The following ZNF577 variants were observed in gnomAD, a reference collection of about 807,000 sequenced individuals.
The protein encoded by ZNF577 is zinc finger protein 577.
ZNF577 carries 14 observed loss-of-function variants against 13.9 expected under a neutral mutation model. That is an observed-to-expected ratio of 1.00 (90% confidence interval 0.66 to 1.57). The LOEUF is 1.57. ZNF577 is among the 40% of genes most tolerant of loss of function. The pLI is 0.00. For missense variants in ZNF577, 555 were observed against 579.2 expected, an observed-to-expected ratio of 0.96 and a Z score of 0.43; for synonymous variants, 203 against 202.9, an observed-to-expected ratio of 1.00 and a Z score of 0.00.
At chr19:51,855,683 C>T (rs1357291218) in intron 5 of ZNF577, 1 of 152,144 alleles carries the variant, frequency 6.6e-6, no homozygotes, top group East Asian at 1.9e-4. Flanking sequence ...TAGGCTACTA[C>T]AAAGTTAAAC....
chr19:51,824,704 C>T lies in ZNF577; in HGVS notation c.*600-13030G>A. 1 of 1,614,082 alleles carries T rather than the reference C, an allele frequency of 6.2e-7. No individual in the cohort carries two copies. Among genetic ancestry groups the T allele is most frequent in the Non-Finnish European group, 8.5e-7 (1 of 1,179,986 alleles). ...GAAAGACTGATTCGCTCTTTGCCCA[C>T]TAGTTTGGAGAGGGCCCTGACTGAG... On this transcript the variant is annotated intron_variant and NMD_transcript_variant, in intron 9 of 10. Transcript: ENST00000638827. The surrounding 1 kb of genome is among the most constrained non-coding windows in gnomAD (Gnocchi z 4.7).
chr19:51,867,110 C>A lies in ZNF577; in HGVS notation c.*5422G>T, dbSNP rs2084576153. Among the ~76,000 whole-genome samples, 1 of 152,212 alleles carries A rather than the reference C, an allele frequency of 6.6e-6. No individual in the cohort carries two copies. Among genetic ancestry groups the A allele is most frequent in the Admixed American group, 6.5e-5 (1 of 15,278 alleles). On this transcript the variant is annotated 3_prime_UTR_variant, in exon 6 of 6. Coordinates refer to ENST00000638348, the MANE Select transcript of ZNF577 (RefSeq NM_001370449.1). ...CACACTTAAGGCACTCTGTATGAAG[C>A]TACATTTCCTCATTCCACCTTTACC...
At chr19:51,856,032 G>A (rs1021261803) in intron 5 of ZNF577, 5 of 152,096 alleles carry the variant, frequency 3.3e-5, no homozygotes, top group African/African-American at 1.2e-4. Flanking sequence ...TTTTAATGAG[G>A]TTCAAAATTT....
In ZNF577 at chr19:51,869,753, T is replaced by C. The variant is rs960490812; in HGVS notation, c.*2779A>G. 6.6e-6 allele frequency among the ~76,000 whole-genome samples: 1 copy of C among 152,192 alleles called. No individual in the cohort carries two copies. Among genetic ancestry groups the C allele is most frequent in the Non-Finnish European group, 1.5e-5 (1 of 68,024 alleles). On this transcript the variant is annotated 3_prime_UTR_variant, in exon 6 of 6. Coordinates refer to ENST00000638348, the MANE Select transcript of ZNF577 (RefSeq NM_001370449.1). ...GTGTGCCAGAAACCCCTACAGGGGCTAAACAGTCAAGACACACCAGCCGCT... is the reference window on the plus strand; with the variant it reads ...GTGTGCCAGAAACCCCTACAGGGGCCAAACAGTCAAGACACACCAGCCGCT...
chr19:51,864,509 A>G (rs775762948), downstream of ZNF577, among the ~76,000 whole-genome samples: 6 of 152,194 alleles, frequency 3.9e-5, no homozygotes, highest in Non-Finnish European at 7.3e-5. Context: ...AGAGAAAACT[A>G]TCATAATTTT....
In ZNF577 at chr19:51,867,831, CTAGG is replaced by C. The variant is rs894667221; in HGVS notation, c.*4697_*4700del. ...AAGCAAACAAACAAAAAGAACAAAG[CTAGG>C]GTTGGAAAAAGCCCTCAGAGGTCAG... On this transcript the variant is annotated 3_prime_UTR_variant, in exon 6 of 6. Transcript: ENST00000638348. Among the ~76,000 whole-genome samples, 1 of 151,934 alleles carries C rather than the reference CTAGG, an allele frequency of 6.6e-6. No homozygotes were observed. Among genetic ancestry groups the C allele is most frequent in the Admixed American group, 6.6e-5 (1 of 15,236 alleles).
At chr19:51,854,542 C>T (rs1463074013) in intron 5 of ZNF577, among the ~76,000 whole-genome samples, 3 of 140,224 alleles carry the variant, frequency 2.1e-5, no homozygotes, top group Non-Finnish European at 3.0e-5. Context: ...CTATGTTGCC[C>T]ATGCTTCTCC....
At chr19:51,814,662 T>G (rs575794511) in intron 9 of ZNF577, among the ~76,000 whole-genome samples, 131 of 151,936 alleles carry the variant, frequency 8.6e-4, no homozygotes, top group African/African-American at 3.0e-3. Flanking sequence ...CTGGGCTAAT[T>G]TTTGTATTTT....
At chr19:51,840,389 G>C (rs2084314011) in intron 8 of ZNF577, 1 of 152,430 alleles carries the variant, frequency 6.6e-6, no homozygotes, top group South Asian at 2.1e-4. Context: ...CTAGGCAGTG[G>C]AGCAAGGAAG....
intron 9 of ZNF577, among the ~76,000 whole-genome samples, chr19:51,822,441 G>C (rs2084197399): frequency 6.6e-6 from 1 of 152,176 alleles, no homozygotes; most frequent in Non-Finnish European, 1.5e-5. Flanking sequence ...TTATTTGTGG[G>C]GGGAGGGGGC....
chr19:51,854,394 T>C (rs944624063), intron 5 of ZNF577, among the ~76,000 whole-genome samples: 2 of 151,832 alleles, frequency 1.3e-5, no homozygotes, highest in Admixed American at 1.3e-4. Flanking sequence ...AGTGCCACGA[T>C]CATGGCTCAC....
chr19:51,849,444 T>C (rs908494106), intron 5 of ZNF577, among the ~76,000 whole-genome samples: 27 of 152,196 alleles, frequency 1.8e-4, no homozygotes, highest in African/African-American at 6.5e-4. Flanking sequence ...TCTACTTTCA[T>C]ACCACTTGTA....
chr19:51,812,219 T>C (rs971158592), intron 9 of ZNF577, among the ~76,000 whole-genome samples: 1 of 152,182 alleles, frequency 6.6e-6, no homozygotes, highest in Non-Finnish European at 1.5e-5. Context: ...CCAGTTAAGA[T>C]AGTTAATATG....
downstream of ZNF577, among the ~76,000 whole-genome samples, chr19:51,865,127 G>A (rs527670906): frequency 4.0e-5 from 6 of 151,848 alleles, no homozygotes; most frequent in South Asian, 2.1e-4. Context: ...ACGGAGTTTC[G>A]CTCTTGTCAC....
At chr19:51,864,714 A>T (rs1043371278), downstream of ZNF577, among the ~76,000 whole-genome samples, 1 of 152,230 alleles carries the variant, frequency 6.6e-6, no homozygotes, top group Admixed American at 6.5e-5. Context: ...TCCCAGGCAA[A>T]TGTAGGAGGA....
chr19:51,837,018 T>A (rs1424332670), intron 9 of ZNF577, among the ~76,000 whole-genome samples: 1 of 133,768 alleles, frequency 7.5e-6, no homozygotes, highest in African/African-American at 2.9e-5. Flanking sequence ...CACCCCAGCC[T>A]GGGTGACAGA....
In ZNF577 at chr19:51,872,779, A is replaced by T. The variant is rs146682852; in HGVS notation, c.1211T>A (p.Ile404Lys). The T allele has an allele frequency of 8.5e-5, 138 of 1,614,192 alleles. No homozygotes were observed. In the African/African-American group the frequency reaches 1.7e-3, roughly 19 times the overall value. ...TGTGTTCACAGTCTTTTGCTCTTGT[A>T]TGAGTTCGCTCATGTATAAGGAGGT... ...SHTSLYMSELIQEQKTVNTVP... is the reference protein window; with the variant it reads ...SHTSLYMSELKQEQKTVNTVP... Residue 404 changes from isoleucine to lysine, a missense_variant, in exon 6 of 6, where the codon ATA becomes AAA. By Grantham distance (102) the Ile-to-Lys change is moderately radical (BLOSUM62 -3). Transcript: ENST00000638348.
chr19:51,870,742 C>T lies in ZNF577; in HGVS notation c.*1790G>A, dbSNP rs1205989128. On this transcript the variant is annotated 3_prime_UTR_variant, in exon 6 of 6. Coordinates refer to ENST00000638348, the MANE Select transcript of ZNF577 (RefSeq NM_001370449.1). Reference sequence around the variant, plus strand: ...TCATGAATTTGGGCCACCTTGAATTCCTCAAACCCTAAACTCTGTCTCAAT... The same window carrying T: ...TCATGAATTTGGGCCACCTTGAATTTCTCAAACCCTAAACTCTGTCTCAAT... Among the ~76,000 whole-genome samples, 1 of 152,096 alleles carries T rather than the reference C, an allele frequency of 6.6e-6. No individual in the cohort carries two copies. The highest frequency in any genetic ancestry group is 2.4e-5 in the African/African-American group (1 of 41,412).
chr19:51,835,391 A>G (rs1287331447), intron 9 of ZNF577, among the ~76,000 whole-genome samples: 1 of 149,932 alleles, frequency 6.7e-6, no homozygotes, highest in African/African-American at 2.5e-5. Context: ...AAAGAAATTG[A>G]ATTTCTAATC....
Sources: gnomAD v4.1 joint callset for allele counts (sites outside exome capture counted in the v4.1 genomes callset) on GRCh38, gnomAD v4.1.1 for gene constraint, Gnocchi (gnomAD v3.1) non-coding constraint, MANE v1.5 for transcripts, NCBI Gene and HGNC (gene_info 2026-07-23, HGNC 2026-07-21) for gene names.